PER3: variants seen among roughly 807,000 people sequenced by gnomAD.
PER3 encodes the protein period circadian regulator 3, also known as period circadian protein homolog 3.
A neutral mutation model predicts 127.2 loss-of-function variants in PER3; 107 were observed. That is an observed-to-expected ratio of 0.84 (90% confidence interval 0.72 to 0.99). The LOEUF is 0.99. Ranked by LOEUF, PER3 falls within the 50% of genes least tolerant of loss-of-function variation. The pLI is 0.00. For missense variants in PER3, 1,560 were observed against 1,525.8 expected (o/e 1.02, Z -0.37); for synonymous variants, 618 against 585.8 (o/e 1.05, Z -0.79).
intron 6 of PER3, among the ~76,000 whole-genome samples, chr1:7,797,633 C>CT (rs1337713043): frequency 7.5e-6 from 1 of 133,678 alleles, no homozygotes; most frequent in Admixed American, 8.6e-5. Flanking sequence ...GAGACTCCGT[C>CT]TTTAAAAAAA....
intron 16 of PER3, among the ~76,000 whole-genome samples, chr1:7,822,588 C>A (rs1195984023): frequency 2.0e-5 from 3 of 152,086 alleles, no homozygotes; most frequent in Non-Finnish European, 4.4e-5. Context: ...ATATGAGATA[C>A]AATGACTAAG....
Position 7,808,913 on chromosome 1 carries a change from T to C in PER3, c.1157T>C (p.Val386Ala), listed in dbSNP as rs979660227. 1 of 1,595,036 alleles carries C rather than the reference T, an allele frequency of 6.3e-7. No individual in the cohort carries two copies. The highest frequency in any genetic ancestry group is 8.6e-7 in the Non-Finnish European group (1 of 1,163,472). Reference protein sequence around the residue: ...KVRTSPLNEDVFATKIKKMND... With the variant: ...KVRTSPLNEDAFATKIKKMND... Reference sequence around the variant, plus strand: ...TCTAGGAGCCCACTAAATGAGGATGTTTTTGCTACCAAAATTAAAAAGATG... The same window carrying C: ...TCTAGGAGCCCACTAAATGAGGATGCTTTTGCTACCAAAATTAAAAAGATG... The change falls in exon 11 of 22, where the codon GTT becomes GCT. Residue 386 changes from valine (V) to alanine (A), a missense_variant. Val to Ala is a moderately conservative substitution (Grantham distance 64). Transcript: ENST00000377532.
intron 14 of PER3, 135 bp downstream of exon 14, chr1:7,819,555 G>A (rs1274379699): frequency 6.7e-6 from 5 of 744,498 alleles, no homozygotes; most frequent in Non-Finnish European, 1.1e-5. Flanking sequence ...TTTATGGCGT[G>A]CCTAACACAT....
intron 18 of PER3, among the ~76,000 whole-genome samples, chr1:7,828,539 C>T (rs1382164794): frequency 6.6e-6 from 1 of 152,186 alleles, no homozygotes; most frequent in African/African-American, 2.4e-5. Flanking sequence ...CCTTCTTTAA[C>T]AGATATTCAA....
intron 20 of PER3, among the ~76,000 whole-genome samples, 177 bp downstream of exon 20, chr1:7,836,122 C>T (rs12034453): frequency 0.2 from 30,114 of 151,900 alleles, 3,176 homozygotes; most frequent in South Asian, 0.27. Context: ...CTCAGCCTCC[C>T]GAGTAGCTGG....
intron 10 of PER3, among the ~76,000 whole-genome samples, chr1:7,806,804 AAAAAAAAAATATAT>A (rs1577748739): frequency 1.6e-5 from 1 of 60,672 alleles, no homozygotes; most frequent in South Asian, 8.7e-4. Context: ...TTAAAAAAAA[AAAAAAAAAATATAT>A]ATATATATAT....
Position 7,785,422 on chromosome 1 carries a change from A to ATT in PER3, c.129-11_129-10dup. On this transcript the variant is annotated intron_variant, in intron 2 of 21. Transcript: ENST00000377532. ...GTTGTCTTCAGAGGATGAAGTTGTA[A>ATT]TTTTTTTTTATCTTCCAGTGAACAG... 3.2e-6 allele frequency: 5 copies of ATT among 1,580,984 alleles called. No individual in the cohort carries two copies. The highest frequency in any genetic ancestry group is 3.5e-6 in the Non-Finnish European group (4 of 1,153,904).
intron 10 of PER3, among the ~76,000 whole-genome samples, chr1:7,806,517 G>A (rs1258307252): frequency 6.6e-6 from 1 of 151,984 alleles, no homozygotes; most frequent in East Asian, 1.9e-4. Context: ...ATACATTTTA[G>A]TGTCTTACGC....
intron 19 of PER3, among the ~76,000 whole-genome samples, chr1:7,830,555 G>A (rs2097326723): frequency 1.3e-5 from 2 of 152,296 alleles, no homozygotes; most frequent in South Asian, 4.1e-4. Context: ...ACAGTATGCT[G>A]TCTTTCGTAT....
intron 6 of PER3, among the ~76,000 whole-genome samples, chr1:7,795,979 G>A (rs1382073915): frequency 6.6e-6 from 1 of 152,196 alleles, no homozygotes; most frequent in Non-Finnish European, 1.5e-5. Context: ...GTCATTCTAA[G>A]AGAGGAAGTT....
intron 13 of PER3, among the ~76,000 whole-genome samples, chr1:7,817,831 GA>G (rs1243769653): frequency 6.6e-6 from 1 of 152,200 alleles, no homozygotes; most frequent in Non-Finnish European, 1.5e-5. Flanking sequence ...AAGTTTAAAA[GA>G]AACAGAATAC....
intron 14 of PER3, 39 bp from the exon 15 acceptor site, chr1:7,820,076 G>A: frequency 1.3e-6 from 2 of 1,597,208 alleles, no homozygotes; most frequent in Non-Finnish European, 1.7e-6. Flanking sequence ...CACAATTAGG[G>A]AACAGGTAAG....
intron 19 of PER3, among the ~76,000 whole-genome samples, chr1:7,834,644 G>A (rs1302726969): frequency 6.6e-6 from 1 of 152,020 alleles, no homozygotes; most frequent in East Asian, 1.9e-4. Context: ...TATGGAGATG[G>A]AACCTACCTC....
chr1:7,821,996 A>G (rs2151053597), intron 16 of PER3, among the ~76,000 whole-genome samples: 1 of 152,326 alleles, frequency 6.6e-6, no homozygotes, highest in Non-Finnish European at 1.5e-5. Context: ...CAGTAACTTC[A>G]CTTGCCCAAT....
At chr1:7,810,767 AT>A in intron 13 of PER3, 179 bp downstream of exon 13, 1 of 487,070 alleles carries the variant, frequency 2.1e-6, no homozygotes, top group Non-Finnish European at 3.6e-6. Context: ...GCAGCAACAA[AT>A]ACTGTTCTGA....
chr1:7,810,857 C>T (rs549729553), intron 13 of PER3: 6 of 266,526 alleles, frequency 2.3e-5, no homozygotes, highest in Admixed American at 5.2e-5. Flanking sequence ...TAAATACCAA[C>T]GAATTATAGA....
intron 13 of PER3, chr1:7,811,746 A>C (rs950540481): frequency 6.6e-6 from 1 of 152,240 alleles, no homozygotes; most frequent in African/African-American, 2.4e-5. Context: ...GTTCACTGTC[A>C]CATTGAGTTT....
At chr1:7,811,665 T>C (rs899834431) in intron 13 of PER3, 3 of 152,212 alleles carry the variant, frequency 2.0e-5, no homozygotes, top group African/African-American at 7.2e-5. Flanking sequence ...TCTAGCCCTT[T>C]TGAAAGGTTG....
In PER3 at chr1:7,829,946, C is replaced by T; in HGVS notation, c.2999C>T (p.Ser1000Phe). 7.9e-7 allele frequency: 1 copy of T among 1,269,814 alleles called. No homozygotes were observed. Among genetic ancestry groups the T allele is most frequent in the South Asian group, 1.8e-5 (1 of 56,068 alleles). The allele number at this position is 1,269,814 out of a possible 1,614,324, so 78.7% of individuals were successfully genotyped here. ...NPSHPTASAL[S>F]TGSPPMKNPS... Reference sequence around the variant, plus strand: ...TCCCATCCTACTGCCAGCGCTCTGTCCACAGGATCGCCTCCCATGAAGAAT... The same window carrying T: ...TCCCATCCTACTGCCAGCGCTCTGTTCACAGGATCGCCTCCCATGAAGAAT... The change falls in exon 19 of 22, where the codon TCC (serine) becomes TTC (phenylalanine). Residue 1000 changes from serine to phenylalanine, a missense_variant. Around this residue, in one of 3 missense-constraint regions of PER3, gnomAD observed 29 missense variants for 103.6 expected, o/e 0.28. Transcript: ENST00000377532.
Sources: gnomAD v4.1 joint callset for allele counts (sites outside exome capture counted in the v4.1 genomes callset) on GRCh38, gnomAD v4.1.1 for gene constraint, gnomAD v4.1.1 regional missense constraint, MANE v1.5 for transcripts, NCBI Gene and HGNC (gene_info 2026-07-23, HGNC 2026-07-21) for gene names.